The following ADGRD1 variants were observed in gnomAD, a reference collection of about 807,000 sequenced individuals.
The protein encoded by ADGRD1 is G-protein coupled receptor 133.
A neutral mutation model predicts 113.4 loss-of-function variants in ADGRD1; 77 were observed. The observed-to-expected ratio is 0.68, with a 90% CI of 0.57 to 0.82. The LOEUF (loss-of-function observed/expected upper bound fraction) is 0.82. Ranked by LOEUF, ADGRD1 falls within the 40% of genes least tolerant of loss-of-function variation. The pLI, the probability that ADGRD1 is intolerant of heterozygous loss-of-function variation, is 0.00. For synonymous variants in ADGRD1, 474 were observed against 475.0 expected, an observed-to-expected ratio of 1.00 and a Z score of 0.03; for missense variants, 1,036 against 1,139.1, an observed-to-expected ratio of 0.91 and a Z score of 1.30.
intron 13 of ADGRD1, among the ~76,000 whole-genome samples, chr12:131,045,505 AC>A (rs35800678): frequency 0.69 from 100,679 of 146,340 alleles, 34,968 homozygotes; most frequent in African/African-American, 0.82. Flanking sequence ...CTGTACAGGG[AC>A]CCCCCCCCAC....
At chr12:131,097,652 G>C (rs1459096964) in intron 15 of ADGRD1, among the ~76,000 whole-genome samples, 1 of 152,232 alleles carries the variant, frequency 6.6e-6, no homozygotes, top group African/African-American at 2.4e-5. Flanking sequence ...AAGGGCAGGA[G>C]TGCAGCCCAG....
intron 21 of ADGRD1, 140 bp downstream of exon 21, chr12:131,131,956 C>T: frequency 1.5e-6 from 1 of 654,236 alleles, no homozygotes; most frequent in African/African-American, 1.8e-5. Context: ...CCTGCCATCT[C>T]AGGGCAGCTC....
At chr12:131,133,465 C>T (rs1467842453) in intron 21 of ADGRD1, among the ~76,000 whole-genome samples, 1 of 152,244 alleles carries the variant, frequency 6.6e-6, no homozygotes, top group East Asian at 1.9e-4. Context: ...GTGTCTGCAG[C>T]TCTTGTGAAG....
At chr12:131,043,839 T>C (rs951268655) in intron 13 of ADGRD1, among the ~76,000 whole-genome samples, 3 of 152,102 alleles carry the variant, frequency 2.0e-5, no homozygotes, top group Admixed American at 6.5e-5. Flanking sequence ...AGTGGCTTCT[T>C]GGATAATTCT....
Position 130,991,461 on chromosome 12 carries a change from A to G in ADGRD1, c.810+383A>G, listed in dbSNP as rs569513720. Among the ~76,000 whole-genome samples, 4 of 152,284 alleles carry G rather than the reference A, an allele frequency of 2.6e-5. No homozygotes were observed. In the East Asian group the frequency reaches 5.8e-4, roughly 22 times the overall value. On this transcript the variant is annotated intron_variant, in intron 7 of 24. Transcript: ENST00000261654. ...ATTCTTGTCTGGAATTAGTGTTTGTAGTTAAAGAACTGTCCTTTCTTGAGA... is the reference window on the plus strand; with the variant it reads ...ATTCTTGTCTGGAATTAGTGTTTGTGGTTAAAGAACTGTCCTTTCTTGAGA...
intron 6 of ADGRD1, chr12:130,988,265 C>T (rs1413050150): frequency 1.3e-5 from 2 of 152,174 alleles, no homozygotes; most frequent in East Asian, 1.9e-4. Flanking sequence ...CATCTTTCCC[C>T]TACAATTCCA....
Position 130,954,469 on chromosome 12 carries a change from G to GT in ADGRD1, c.4_5insT (p.Glu2ValfsTer55). On this transcript the variant is annotated frameshift_variant, in exon 1 of 25. Transcript: ENST00000261654. LOFTEE classifies it high-confidence loss of function. The surrounding 1 kb of genome is among the most constrained non-coding windows in gnomAD (Gnocchi z 4.7). Reference sequence around the variant, plus strand: ...AGCTTTGACCTCCGAGAGAGCCATGGAAAAGCTGCTGCGGCTGTGCTGCTG... The same window carrying GT: ...AGCTTTGACCTCCGAGAGAGCCATGGTAAAAGCTGCTGCGGCTGTGCTGCTG... 1 of 1,544,144 alleles carries GT rather than the reference G, an allele frequency of 6.5e-7. No individual in the cohort carries two copies. The highest frequency in any genetic ancestry group is 8.7e-7 in the Non-Finnish European group (1 of 1,145,734).
At chr12:131,086,831 T>C (rs1390237965) in intron 15 of ADGRD1, among the ~76,000 whole-genome samples, 1 of 152,244 alleles carries the variant, frequency 6.6e-6, no homozygotes, top group Non-Finnish European at 1.5e-5. Flanking sequence ...ACAAAATGCA[T>C]GCTTGATGTC....
At chr12:131,020,009 C>G (rs1243135091) in intron 13 of ADGRD1, among the ~76,000 whole-genome samples, 2 of 107,830 alleles carry the variant, frequency 1.9e-5, no homozygotes, top group African/African-American at 6.8e-5. Context: ...GGGCAGGACC[C>G]TGAGCTCCAT....
In ADGRD1 at chr12:131,096,640, G is replaced by A. The variant is rs1039015656; in HGVS notation, c.1672-8191G>A. The stretch of plus-strand genomic sequence containing the variant: ...CACTGCTGGTCCAGGTTTACATCCC[G>A]CCTCCATCTGTGAGGATGGGTTCCC... On this transcript the variant is annotated intron_variant, in intron 15 of 24. Coordinates refer to ENST00000261654, the MANE Select transcript of ADGRD1 (RefSeq NM_198827.5). The surrounding 1 kb of genome is among the most constrained non-coding windows in gnomAD (Gnocchi z 5.2). Among the ~76,000 whole-genome samples the A allele has an allele frequency of 7.9e-5, 12 of 151,696 alleles. No individual in the cohort carries two copies. Among genetic ancestry groups the A allele is most frequent in the African/African-American group, 2.7e-4 (11 of 41,360 alleles).
At chr12:131,045,046 T>G (rs1463701767) in intron 13 of ADGRD1, among the ~76,000 whole-genome samples, 1 of 152,214 alleles carries the variant, frequency 6.6e-6, no homozygotes, top group African/African-American at 2.4e-5. Flanking sequence ...CTGCGGCGTG[T>G]GCCACGCAGT....
Position 131,003,087 on chromosome 12 carries a change from A to T in ADGRD1, c.1027-98A>T. On this transcript the variant is annotated intron_variant, in intron 9 of 24. Transcript: ENST00000261654. This position sits in a 1 kb window ranked among gnomAD's most constrained non-coding sequence, Gnocchi z 4.8. The stretch of plus-strand genomic sequence containing the variant: ...GTGACTTCTTCCTCCCTCGTGGCCA[A>T]CGTGGGGAAACTTGATTTTGTGTGC... 2.1e-6 allele frequency: 2 copies of T among 973,616 alleles called. No individual in the cohort carries two copies. The highest frequency in any genetic ancestry group is 3.3e-6 in the Non-Finnish European group (2 of 606,008). The allele number at this position is 973,616 out of a possible 1,614,324, so 60.3% of individuals were successfully genotyped here.
chr12:130,987,449 C>T, intron 6 of ADGRD1, 100 bp downstream of exon 6: 1 of 1,374,598 alleles, frequency 7.3e-7, no homozygotes, highest in South Asian at 1.3e-5. Context: ...CAGCTATCAG[C>T]ACTGCAGGCG....
chr12:131,011,027 G>A (rs1352156984), intron 12 of ADGRD1, among the ~76,000 whole-genome samples: 1 of 152,050 alleles, frequency 6.6e-6, no homozygotes, highest in Non-Finnish European at 1.5e-5. Context: ...ACAGGACGGG[G>A]CGGGTGGAGG....
At position 131,050,999 on chromosome 12, in the gene ADGRD1, G is replaced by A. The variant is rs562785190; in HGVS notation, c.1474-25802G>A. Among the ~76,000 whole-genome samples, 27 of 152,296 alleles carry A rather than the reference G, an allele frequency of 1.8e-4. No individual in the cohort carries two copies. Among genetic ancestry groups the A allele is most frequent in the African/African-American group, 3.4e-4 (14 of 41,558 alleles). ...ACGGGCTGGTCCCGGTTCACGGCCC[G>A]GGTGTTGGGAACCCCTGTGTTAAAC... On this transcript the variant is annotated intron_variant, in intron 13 of 24. Coordinates refer to ENST00000261654, the MANE Select transcript of ADGRD1 (RefSeq NM_198827.5). This position sits in a 1 kb window ranked among gnomAD's most constrained non-coding sequence, Gnocchi z 4.8.
intron 18 of ADGRD1, among the ~76,000 whole-genome samples, chr12:131,112,481 C>T (rs1466002511): frequency 2.0e-5 from 3 of 152,190 alleles, no homozygotes; most frequent in Non-Finnish European, 4.4e-5. Flanking sequence ...GCTGTCTCTT[C>T]CCTGGCTGTC....
At chr12:131,105,537 C>G (rs983060198) in intron 16 of ADGRD1, among the ~76,000 whole-genome samples, 2 of 152,222 alleles carry the variant, frequency 1.3e-5, no homozygotes, top group African/African-American at 4.8e-5. Context: ...AGCCATGGCC[C>G]AGGGTCAGAC....
chr12:130,982,529 C>T (rs1372916188), intron 5 of ADGRD1, among the ~76,000 whole-genome samples: 1 of 152,212 alleles, frequency 6.6e-6, no homozygotes, highest in African/African-American at 2.4e-5. Flanking sequence ...TCTTTCTCTT[C>T]CTCCCCCTCC....
intron 18 of ADGRD1, 30 bp from the exon 19 acceptor site, chr12:131,118,355 G>A (rs73468791): frequency 3.2e-6 from 5 of 1,564,330 alleles, no homozygotes; most frequent in Non-Finnish European, 2.6e-6. Flanking sequence ...ACTGGAGCAA[G>A]TGAACATGAT....
Sources: allele counts gnomAD v4.1 joint callset (sites outside exome capture counted in the v4.1 genomes callset), GRCh38; gene constraint gnomAD v4.1.1; non-coding constraint Gnocchi (gnomAD v3.1); transcripts MANE v1.5; gene names NCBI Gene and HGNC (gene_info 2026-07-23, HGNC 2026-07-21).